Variants in GAB1 observed in about 807,000 individuals in gnomAD.
GAB1 encodes GRB2 associated binding protein 1.
GAB1 carries 19 observed loss-of-function variants against 66.5 expected under a neutral mutation model. The ratio of observed to expected loss-of-function variants is 0.29; its 90% CI spans 0.20 to 0.42. GAB1 has a LOEUF of 0.42. GAB1 is among the 10% of genes least tolerant of loss of function. The pLI is 1.00. For missense variants in GAB1, 732 were observed against 858.5 expected (o/e 0.85, Z 1.84); for synonymous variants, 294 against 301.4 (o/e 0.98, Z 0.25).
At chr4:143,418,591 G>A (rs998313412) in intron 2 of GAB1, among the ~76,000 whole-genome samples, 4 of 151,992 alleles carry the variant, frequency 2.6e-5, no homozygotes, top group African/African-American at 7.2e-5. Flanking sequence ...ATTTGTTTGG[G>A]GGGACATAAG....
intron 1 of GAB1, among the ~76,000 whole-genome samples, chr4:143,396,678 C>T (rs1002867472): frequency 6.6e-6 from 1 of 152,184 alleles, no homozygotes; most frequent in East Asian, 1.9e-4. Flanking sequence ...TGATAAGAGA[C>T]TGGATTCAGC....
chr4:143,342,107 C>A (rs986124568), intron 1 of GAB1, among the ~76,000 whole-genome samples: 3 of 152,216 alleles, frequency 2.0e-5, no homozygotes, highest in East Asian at 3.8e-4. Flanking sequence ...CATCAACTTG[C>A]AATTACATTA....
intron 2 of GAB1, among the ~76,000 whole-genome samples, chr4:143,428,666 G>A (rs1456370741): frequency 2.0e-5 from 3 of 152,030 alleles, no homozygotes; most frequent in Admixed American, 6.6e-5. Flanking sequence ...TTAAAATGTA[G>A]GCAAGAACTT....
Position 143,349,174 on chromosome 4 carries a change from A to G in GAB1, c.72+11914A>G. Reference sequence around the variant, plus strand: ...CCTTCATAGGTCCCCCCCTTCCTAGATTAAAATATTCTAACCTGGAGTAGT... The same window carrying G: ...CCTTCATAGGTCCCCCCCTTCCTAGGTTAAAATATTCTAACCTGGAGTAGT... On this transcript the variant is annotated intron_variant, in intron 1 of 9. Coordinates refer to ENST00000262994, the MANE Select transcript of GAB1 (RefSeq NM_002039.4). 6.4e-6 allele frequency: 3 copies of G among 465,734 alleles called. No individual in the cohort carries two copies. The South Asian group carries it at 1.1e-4, about 17-fold the overall frequency. 28.9% of individuals were successfully genotyped at this position (465,734 alleles called of 1,614,324 possible).
chr4:143,448,492 A>G (rs1469463186), intron 6 of GAB1, among the ~76,000 whole-genome samples: 2 of 151,806 alleles, frequency 1.3e-5, no homozygotes, highest in African/African-American at 2.4e-5. Flanking sequence ...CTATTCAGAG[A>G]TTCAACTTCT....
At chr4:143,368,445 G>A (rs563178390) in intron 1 of GAB1, among the ~76,000 whole-genome samples, 1 of 152,242 alleles carries the variant, frequency 6.6e-6, no homozygotes, top group East Asian at 1.9e-4. Context: ...AAACTTGTTG[G>A]AGTAGGAATT....
chr4:143,357,635 G>A lies in GAB1; in HGVS notation c.72+20375G>A, dbSNP rs551416835. Among the ~76,000 whole-genome samples, 9 of 152,206 alleles carry A rather than the reference G, an allele frequency of 5.9e-5. No homozygotes were observed. The East Asian group carries it at 7.7e-4, about 13-fold the overall frequency. ...GGTGGCATTTGAATCTAGAATCTGC[G>A]GAAGCTGTGGGTGCTGACCACAGTG... is the stretch of plus-strand genomic sequence containing the variant. On this transcript the variant is annotated intron_variant, in intron 1 of 9. Coordinates refer to ENST00000262994, the MANE Select transcript of GAB1 (RefSeq NM_002039.4).
At chr4:143,447,946 T>G (rs1734659140) in intron 6 of GAB1, among the ~76,000 whole-genome samples, 1 of 152,196 alleles carries the variant, frequency 6.6e-6, no homozygotes, top group South Asian at 2.1e-4. Flanking sequence ...GCTGTTACTA[T>G]TTTGAGATAC....
At position 143,466,183 on chromosome 4, in the gene GAB1, A is replaced by G; in HGVS notation, c.1884A>G (p.Leu628=). Reference sequence around the variant, plus strand: ...AAGGAGACAAACAGGTGGAATACTTAGATCTCGACTTAGATTCTGGGAAAT... The same window carrying G: ...AAGGAGACAAACAGGTGGAATACTTGGATCTCGACTTAGATTCTGGGAAAT... ...KPKGDKQVEY[L]DLDLDSGKST... The change falls in exon 9 of 10, where the codon TTA becomes TTG. Residue 628 remains leucine (L), a synonymous_variant. Coordinates refer to ENST00000262994, the MANE Select transcript of GAB1 (RefSeq NM_002039.4). The G allele has an allele frequency of 1.2e-6, 2 of 1,613,898 alleles. No individual in the cohort carries two copies. Among genetic ancestry groups the G allele is most frequent in the South Asian group, 2.2e-5 (2 of 91,076 alleles).
chr4:143,434,030 G>C, intron 3 of GAB1: 1 of 948,676 alleles, frequency 1.1e-6, no homozygotes, highest in South Asian at 1.4e-5. Context: ...TTGCTTAACA[G>C]ATTTCACTGA....
In GAB1 at chr4:143,469,257, G is replaced by C; in HGVS notation, c.*68G>C. The C allele has an allele frequency of 6.7e-7, 1 of 1,495,496 alleles. No individual in the cohort carries two copies. Among genetic ancestry groups the C allele is most frequent in the Non-Finnish European group, 9.2e-7 (1 of 1,091,042 alleles). The allele number at this position is 1,495,496 out of a possible 1,614,324, so 92.6% of individuals were successfully genotyped here. A position where few individuals can be genotyped will look rare whatever the true frequency, so the allele number is the denominator to read the frequency against. On this transcript the variant is annotated 3_prime_UTR_variant, in exon 10 of 10. Transcript: ENST00000262994. ...TAAAGATAAATCCCTTTTGAAGAATGACTTGACACTTCCACTCTAGGTAGA... is the reference window on the plus strand; with the variant it reads ...TAAAGATAAATCCCTTTTGAAGAATCACTTGACACTTCCACTCTAGGTAGA...
chr4:143,373,658 A>C (rs1730252932), intron 1 of GAB1, among the ~76,000 whole-genome samples: 1 of 151,792 alleles, frequency 6.6e-6, no homozygotes. Context: ...GCAAAAATGC[A>C]AATCCACAAA....
At chr4:143,403,995 G>A (rs754828709) in intron 1 of GAB1, among the ~76,000 whole-genome samples, 1 of 152,186 alleles carries the variant, frequency 6.6e-6, no homozygotes, top group Non-Finnish European at 1.5e-5. Flanking sequence ...TAACACTTCA[G>A]TGCTTTCCCT....
intron 1 of GAB1, among the ~76,000 whole-genome samples, chr4:143,388,926 G>T (rs1283609523): frequency 6.6e-6 from 1 of 152,210 alleles, no homozygotes; most frequent in East Asian, 1.9e-4. Flanking sequence ...CTTTTGCAAG[G>T]CATAAGGAGG....
At chr4:143,357,889 CAGAA>C (rs936702677) in intron 1 of GAB1, among the ~76,000 whole-genome samples, 2 of 151,112 alleles carry the variant, frequency 1.3e-5, no homozygotes, top group African/African-American at 4.9e-5. Flanking sequence ...TATGAATTAT[CAGAA>C]AGAGGGAAGA....
intron 1 of GAB1, among the ~76,000 whole-genome samples, chr4:143,353,990 C>A (rs894486188): frequency 6.6e-6 from 1 of 152,106 alleles, no homozygotes; most frequent in African/African-American, 2.4e-5. Flanking sequence ...TCTACCACAC[C>A]CTCTCATTGC....
At chr4:143,443,448 A>G (rs1454598664) in intron 6 of GAB1, among the ~76,000 whole-genome samples, 1 of 152,224 alleles carries the variant, frequency 6.6e-6, no homozygotes, top group African/African-American at 2.4e-5. Flanking sequence ...CAAAGTTATA[A>G]CTTCAAGAAA....
At chr4:143,446,479 T>C (rs1242667637) in intron 6 of GAB1, among the ~76,000 whole-genome samples, 37 of 144,016 alleles carry the variant, frequency 2.6e-4, no homozygotes, top group South Asian at 4.5e-4. Context: ...TTTTAATGAT[T>C]GCCATTCTAA....
intron 1 of GAB1, among the ~76,000 whole-genome samples, chr4:143,412,021 G>C (rs1732419172): frequency 6.6e-6 from 1 of 152,170 alleles, no homozygotes; most frequent in Non-Finnish European, 1.5e-5. Context: ...TTCACGTCTT[G>C]TATAATGTCT....
Sources: gnomAD v4.1 joint callset for allele counts (sites outside exome capture counted in the v4.1 genomes callset) on GRCh38, gnomAD v4.1.1 for gene constraint, MANE v1.5 for transcripts, NCBI Gene and HGNC (gene_info 2026-07-23, HGNC 2026-07-21) for gene names.